GCFC2: variants seen among roughly 807,000 people sequenced by gnomAD.
GCFC2 encodes GC-rich sequence DNA-binding factor 2.
GCFC2 carries 102 observed loss-of-function variants against 99.4 expected under a neutral mutation model. That is an observed-to-expected ratio of 1.03 (90% CI 0.87 to 1.21). The LOEUF (loss-of-function observed/expected upper bound fraction) is 1.21, where lower values mean the gene tolerates loss of function less well. Ranked by LOEUF, GCFC2 falls within the 50% of genes most tolerant of loss-of-function variation. The pLI is 0.00. For missense variants in GCFC2, 973 were observed against 920.9 expected, an observed-to-expected ratio of 1.06 and a Z score of -0.73; for synonymous variants, 338 against 316.8, an observed-to-expected ratio of 1.07 and a Z score of -0.71.
chr2:75,698,708 T>TA (rs1680442085), intron 4 of GCFC2, among the ~76,000 whole-genome samples: 1 of 152,102 alleles, frequency 6.6e-6, no homozygotes, highest in South Asian at 2.1e-4. Context: ...AGTTCACAGT[T>TA]ACATTAGAAT....
chr2:75,686,998 G>C (rs1050649576), intron 11 of GCFC2, among the ~76,000 whole-genome samples: 1 of 151,604 alleles, frequency 6.6e-6, no homozygotes, highest in Non-Finnish European at 1.5e-5. Flanking sequence ...GCAATGGCAC[G>C]ATCTCGGCTC....
Position 75,664,645 on chromosome 2 carries a change from G to T in GCFC2, c.*21C>A. On this transcript the variant is annotated 3_prime_UTR_variant, in exon 17 of 17. Coordinates refer to ENST00000321027, the MANE Select transcript of GCFC2 (RefSeq NM_003203.5). Reference sequence around the variant, plus strand: ...TGAGTGTAACTATATTAAAATTTTAGCATTTTCCAATAAAGTTTATTCAAT... The same window carrying T: ...TGAGTGTAACTATATTAAAATTTTATCATTTTCCAATAAAGTTTATTCAAT... The T allele has an allele frequency of 9.5e-7, 1 of 1,049,240 alleles. No homozygotes were observed. Among genetic ancestry groups the T allele is most frequent in the Non-Finnish European group, 1.5e-6 (1 of 683,278 alleles). 65.0% of individuals were successfully genotyped at this position (1,049,240 alleles called of 1,614,324 possible). A position where few individuals can be genotyped will look rare whatever the true frequency, so the allele number is the denominator to read the frequency against.
At position 75,665,927 on chromosome 2, in the gene GCFC2, A is replaced by G. The variant is rs751313042; in HGVS notation, c.2228+2T>C. 1.3e-6 allele frequency: 2 copies of G among 1,569,892 alleles called. No homozygotes were observed. The highest frequency in any genetic ancestry group is 1.7e-6 in the Non-Finnish European group (2 of 1,147,740). ...TAGAAGTGAAAATAAAATATGCATT[A>G]CCTGAATTCACTTCTAGATAATTTA... On this transcript the variant is annotated splice_donor_variant, in intron 16 of 16. Transcript: ENST00000321027. LOFTEE classifies it high-confidence loss of function.
Position 75,710,718 on chromosome 2 carries a change from G to C in GCFC2, c.138C>G (p.Pro46=), listed in dbSNP as rs773134413. The C allele has an allele frequency of 1.6e-5, 25 of 1,551,676 alleles. 1 individual carries two copies. In the Admixed American group the frequency reaches 3.5e-4, roughly 22 times the overall value. Residue 46 remains proline, a synonymous_variant, in exon 1 of 17, where the codon CCC becomes CCG. Coordinates refer to ENST00000321027, the MANE Select transcript of GCFC2 (RefSeq NM_003203.5). ...PVPGSAEEEP[P]SGGGRAQVAG... is the part of the protein sequence containing the mutation. ...CCACCTGCGCGCGGCCTCCTCCAGA[G>C]GGCGGCTCTTCCTCCGCAGAACCCG... is the stretch of plus-strand genomic sequence containing the variant.
In GCFC2 at chr2:75,673,486, T is replaced by C; in HGVS notation, c.1847A>G (p.Lys616Arg). The change falls in exon 13 of 17, where the codon AAG becomes AGG. Residue 616 changes from lysine (K) to arginine (R), a missense_variant. Physicochemically the swap from Lys to Arg is conservative, Grantham distance 26. Transcript: ENST00000321027. ...AATAAAAACATCATCTTCTACTGCCTTTTTCATTCTTGAAACAATGGATTT... is the reference window on the plus strand; with the variant it reads ...AATAAAAACATCATCTTCTACTGCCCTTTTCATTCTTGAAACAATGGATTT... ...LLKSIVSRMK[K>R]AVEDDVFIPL... is the part of the protein sequence containing the mutation. The C allele has an allele frequency of 2.1e-6, 3 of 1,410,666 alleles. No individual in the cohort carries two copies. Among genetic ancestry groups the C allele is most frequent in the Non-Finnish European group, 3.0e-6 (3 of 995,068 alleles). The allele number at this position is 1,410,666 out of a possible 1,614,324, so 87.4% of individuals were successfully genotyped here. A position where few individuals can be genotyped will look rare whatever the true frequency, so the allele number is the denominator to read the frequency against.
upstream of GCFC2, chr2:75,711,139 G>T: frequency 8.1e-7 from 1 of 1,238,018 alleles, no homozygotes; most frequent in Non-Finnish European, 1.0e-6. Context: ...TATCCGGTCT[G>T]AGTCCCACGG....
intron 2 of GCFC2, among the ~76,000 whole-genome samples, chr2:75,702,668 A>AT (rs1680661218): frequency 6.6e-6 from 1 of 152,188 alleles, no homozygotes; most frequent in Non-Finnish European, 1.5e-5. Context: ...AAACTGCTTC[A>AT]TTTTATCTTT....
chr2:75,711,977 G>C (rs1394104122), upstream of GCFC2, among the ~76,000 whole-genome samples: 1 of 152,258 alleles, frequency 6.6e-6, no homozygotes, highest in Non-Finnish European at 1.5e-5. Flanking sequence ...GCGCCGGACT[G>C]GCAGGCAGCT....
rs751253356 is a variant in GCFC2 at position 75,702,264 on chromosome 2, T to C, written c.554A>G (p.His185Arg). The change falls in exon 3 of 17, where the codon CAT becomes CGT. Residue 185 changes from histidine to arginine, a missense_variant. By Grantham distance (29) the His-to-Arg change is conservative (BLOSUM62 0). Coordinates refer to ENST00000321027, the MANE Select transcript of GCFC2 (RefSeq NM_003203.5). The part of the protein sequence containing the change: ...EDDPESEPDD[H>R]EKRIPFTLRP... ...TAGAGTAAATGGTATTCTCTTTTCA[T>C]GGTCATCAGGCTCACTCTCAGGGTC... 2.1e-5 allele frequency: 34 copies of C among 1,613,120 alleles called. No homozygotes were observed. The highest frequency in any genetic ancestry group is 3.3e-5 in the Admixed American group (2 of 60,010).
At chr2:75,701,343 G>T in intron 3 of GCFC2, 56 bp from the exon 4 acceptor site, 1 of 954,498 alleles carries the variant, frequency 1.0e-6, no homozygotes, top group Admixed American at 1.9e-5. Flanking sequence ...TTTAATTGCA[G>T]CAAGCCAACA....
intron 8 of GCFC2, 55 bp downstream of exon 8, chr2:75,690,583 G>T: frequency 1.2e-6 from 1 of 810,604 alleles, no homozygotes. Context: ...TATTTCAGTA[G>T]TGAAAAGTAC....
At chr2:75,700,621 A>G (rs1209964203) in intron 4 of GCFC2, among the ~76,000 whole-genome samples, 1 of 152,204 alleles carries the variant, frequency 6.6e-6, no homozygotes, top group Non-Finnish European at 1.5e-5. Context: ...GCACCTGTAC[A>G]ATATAAACTG....
intron 5 of GCFC2, among the ~76,000 whole-genome samples, chr2:75,695,102 T>G (rs769861916): frequency 8.5e-5 from 13 of 152,214 alleles, no homozygotes; most frequent in Non-Finnish European, 1.5e-4. Context: ...AATGATCTGC[T>G]GCCTCTTTTT....
In GCFC2 at chr2:75,664,370, G is replaced by GT. The variant is rs1678734377; in HGVS notation, c.*295dup. The GT allele has an allele frequency of 5.4e-6, 1 of 183,724 alleles. No homozygotes were observed. The highest frequency in any genetic ancestry group is 2.3e-5 in the African/African-American group (1 of 42,564). 11.4% of individuals were successfully genotyped at this position (183,724 alleles called of 1,614,324 possible). A position where few individuals can be genotyped will look rare whatever the true frequency, so the allele number is the denominator to read the frequency against. ...CACTTAAGCTAAAACCTTTAGCAAG[G>GT]TTTCTCCAGTTCCCCTCTTAAGAAA... On this transcript the variant is annotated 3_prime_UTR_variant, in exon 17 of 17. Coordinates refer to ENST00000321027, the MANE Select transcript of GCFC2 (RefSeq NM_003203.5).
At chr2:75,685,837 G>C (rs1396043969) in intron 11 of GCFC2, among the ~76,000 whole-genome samples, 1 of 152,066 alleles carries the variant, frequency 6.6e-6, no homozygotes, top group Non-Finnish European at 1.5e-5. Context: ...CCCAAACTGA[G>C]CTGCTATGCT....
At chr2:75,693,626 C>A (rs1680183340) in intron 6 of GCFC2, among the ~76,000 whole-genome samples, 1 of 151,316 alleles carries the variant, frequency 6.6e-6, no homozygotes, top group Non-Finnish European at 1.5e-5. Flanking sequence ...AAAGAAAAAC[C>A]ATTACAAACA....
chr2:75,706,471 A>C (rs1680869093), intron 2 of GCFC2, 52 bp downstream of exon 2: 7 of 1,205,508 alleles, frequency 5.8e-6, no homozygotes, highest in Non-Finnish European at 8.4e-6. Context: ...ACTATATCAA[A>C]AACACTATAT....
Position 75,666,013 on chromosome 2 carries a change from G to A in GCFC2, c.2144C>T (p.Ala715Val). Residue 715 changes from alanine to valine, a missense_variant, in exon 16 of 17, where the codon GCC becomes GTC. Ala to Val is a moderately conservative substitution (Grantham distance 64, BLOSUM62 0). Transcript: ENST00000321027. ...TAGCTGTGGAATAGATGTCCTCATGGCAGAATTTTCAAACCATTTTTCTGG... is the reference window on the plus strand; with the variant it reads ...TAGCTGTGGAATAGATGTCCTCATGACAGAATTTTCAAACCATTTTTCTGG... ...CLPEKWFENS[A>V]MRTSIPQLEN... The A allele has an allele frequency of 6.2e-7, 1 of 1,604,762 alleles. No individual in the cohort carries two copies. The highest frequency in any genetic ancestry group is 8.5e-7 in the Non-Finnish European group (1 of 1,172,804).
intron 11 of GCFC2, 147 bp from the exon 12 acceptor site, chr2:75,680,461 T>A: frequency 1.8e-6 from 1 of 561,822 alleles, no homozygotes; most frequent in Non-Finnish European, 3.1e-6. Flanking sequence ...CATATTTGCA[T>A]ACATCTTCAA....
Sources: gnomAD v4.1 joint callset for allele counts (sites outside exome capture counted in the v4.1 genomes callset) on GRCh38, gnomAD v4.1.1 for gene constraint, MANE v1.5 for transcripts, NCBI Gene and HGNC (gene_info 2026-07-23, HGNC 2026-07-21) for gene names.